The following TKFC variants were observed in gnomAD, a reference collection of about 807,000 sequenced individuals.
The protein encoded by TKFC is triokinase and FMN cyclase, also known as triokinase/FMN cyclase.
Under a neutral mutation model 61.0 loss-of-function variants are expected in TKFC, and 46 were observed. That is an observed-to-expected ratio of 0.75 (90% CI 0.60 to 0.96). The LOEUF (loss-of-function observed/expected upper bound fraction) is 0.96. Ranked by LOEUF, TKFC falls within the 50% of genes least tolerant of loss-of-function variation. TKFC has a pLI of 0.00. For missense variants in TKFC, 715 were observed against 777.5 expected (o/e 0.92, Z 0.96); for synonymous variants, 314 against 330.1 (o/e 0.95, Z 0.53).
chr11:61,346,102 G>A lies in TKFC; in HGVS notation c.1575+156G>A. 1 of 1,143,892 alleles carries A rather than the reference G, an allele frequency of 8.7e-7. No individual in the cohort carries two copies. The highest frequency in any genetic ancestry group is 1.2e-6 in the Non-Finnish European group (1 of 825,374). 70.9% of individuals were successfully genotyped at this position (1,143,892 alleles called of 1,614,324 possible). A position where few individuals can be genotyped will look rare whatever the true frequency, so the allele number is the denominator to read the frequency against. ...CACCTATCTCAGAAGGTGGTTATGTGGCTAAGGAAATATGTAGAGCCCCGC... is the reference window on the plus strand; with the variant it reads ...CACCTATCTCAGAAGGTGGTTATGTAGCTAAGGAAATATGTAGAGCCCCGC... On this transcript the variant is annotated intron_variant, in intron 17 of 17. Coordinates refer to ENST00000394900, the MANE Select transcript of TKFC (RefSeq NM_015533.4). The surrounding 1 kb of genome is among the most constrained non-coding windows in gnomAD (Gnocchi z 4.1).
At position 61,342,463 on chromosome 11, in the gene TKFC, A is replaced by T; in HGVS notation, c.658A>T (p.Ile220Phe). The part of the protein sequence containing the change: ...SADEVELGLG[I>F]HGEAGVRRIK... ...GCAGTGACCACATCTATCCGCAGGG[A>T]TCCACGGGGAAGCTGGTGTGCGCCG... is the stretch of plus-strand genomic sequence containing the variant. Residue 220 changes from isoleucine (I) to phenylalanine (F), a missense_variant and splice_region_variant, in exon 8 of 18, where the codon ATC becomes TTC. Ile to Phe is a conservative substitution (Grantham distance 21). Coordinates refer to ENST00000394900, the MANE Select transcript of TKFC (RefSeq NM_015533.4). 5.0e-6 allele frequency: 8 copies of T among 1,614,012 alleles called. No homozygotes were observed. Among genetic ancestry groups the T allele is most frequent in the Non-Finnish European group, 6.8e-6 (8 of 1,180,028 alleles).
chr11:61,333,249 A>ATGAGAGCGCACGCTTCGGG lies in TKFC; in HGVS notation c.-189_-171dup, dbSNP rs1565042188. On this transcript the variant is annotated 5_prime_UTR_variant, in exon 1 of 18. The change creates a premature stop within an existing upstream ORF in the 5' untranslated region. Coordinates refer to ENST00000394900, the MANE Select transcript of TKFC (RefSeq NM_015533.4). ...TTCCGCCAGCGCCCGCAGGACCCGG[A>ATGAGAGCGCACGCTTCGGG]TGAGAGCGCACGCTTCGGGGTCTCC... The ATGAGAGCGCACGCTTCGGG allele has an allele frequency of 1.3e-5, 4 of 316,678 alleles. No homozygotes were observed. The highest frequency in any genetic ancestry group is 8.6e-5 in the African/African-American group (4 of 46,552). 19.6% of individuals were successfully genotyped at this position (316,678 alleles called of 1,614,324 possible).
Position 61,345,263 on chromosome 11 carries a change from T to C in TKFC, c.1244T>C (p.Ile415Thr). The C allele has an allele frequency of 1.3e-6, 2 of 1,566,066 alleles. No homozygotes were observed. The highest frequency in any genetic ancestry group is 8.7e-7 in the Non-Finnish European group (1 of 1,153,330). ...GTTHSRAARA[I>T]QEWLKEGPPP... ...CCCCATCTCTCTCTGCCTGCAGCAATCCAGGAGTGGCTGAAGGAGGGCCCA... is the reference window on the plus strand; with the variant it reads ...CCCCATCTCTCTCTGCCTGCAGCAACCCAGGAGTGGCTGAAGGAGGGCCCA... Residue 415 changes from isoleucine (I) to threonine (T), a missense_variant, in exon 14 of 18, where the codon ATC becomes ACC. By Grantham distance (89) the Ile-to-Thr change is moderately conservative. Transcript: ENST00000394900.
At position 61,339,455 on chromosome 11, in the gene TKFC, G is replaced by T; in HGVS notation, c.486+20G>T. On this transcript the variant is annotated intron_variant, in intron 5 of 17. Transcript: ENST00000394900. Reference sequence around the variant, plus strand: ...CACAAGGTGGGCTTCCACCGGGGACGTGGAGACTGGCCAGCCCTTTCCAGC... The same window carrying T: ...CACAAGGTGGGCTTCCACCGGGGACTTGGAGACTGGCCAGCCCTTTCCAGC... 6 of 1,590,874 alleles carry T rather than the reference G, an allele frequency of 3.8e-6. No individual in the cohort carries two copies. Among genetic ancestry groups the T allele is most frequent in the Non-Finnish European group, 5.1e-6 (6 of 1,167,362 alleles).
intron 2 of TKFC, among the ~76,000 whole-genome samples, chr11:61,337,469 A>G (rs560037555): frequency 3.3e-5 from 5 of 152,306 alleles, no homozygotes; most frequent in Non-Finnish European, 7.4e-5. Context: ...CATAGTGTCT[A>G]GTGCTGGGCC....
intron 10 of TKFC, chr11:61,343,130 G>A: frequency 1.6e-6 from 1 of 612,836 alleles, no homozygotes; most frequent in Non-Finnish European, 2.9e-6. Context: ...CTGAGTAAAT[G>A]AGACCTGTAA....
At chr11:61,351,384 G>A, downstream of TKFC, 1 of 320,764 alleles carries the variant, frequency 3.1e-6, no homozygotes, top group Non-Finnish European at 5.6e-6. Context: ...CCGCCTCCTG[G>A]GTTCACGCCA....
At position 61,339,310 on chromosome 11, in the gene TKFC, G is replaced by A. The variant is rs1233530557; in HGVS notation, c.361G>A (p.Ala121Thr). The change falls in exon 5 of 18, where the codon GCC (alanine) becomes ACC (threonine). Residue 121 changes from alanine (A) to threonine (T), a missense_variant. By Grantham distance (58) the Ala-to-Thr change is moderately conservative. Transcript: ENST00000394900. ...TGGGGATCGGCTCAACTTCGGCCTG[G>A]CCCGGGAGCAGGCCCGGGCTGAAGG... ...YTGDRLNFGL[A>T]REQARAEGIP... The A allele has an allele frequency of 6.2e-7, 1 of 1,613,804 alleles. No individual in the cohort carries two copies. The highest frequency in any genetic ancestry group is 8.5e-7 in the Non-Finnish European group (1 of 1,180,028).
At chr11:61,352,834 G>C (rs562129021), downstream of TKFC, 1 of 1,473,124 alleles carries the variant, frequency 6.8e-7, no homozygotes, top group East Asian at 2.4e-5. Context: ...TCAACCTAAA[G>C]AAAGATCAAT....
rs1856525205 is a variant in TKFC, at chr11:61,334,615, T to C, written c.-109-5T>C. 2.9e-6 allele frequency: 4 copies of C among 1,401,824 alleles called. No homozygotes were observed. The Admixed American group carries it at 5.4e-5, about 19-fold the overall frequency. 86.8% of individuals were successfully genotyped at this position (1,401,824 alleles called of 1,614,324 possible). On this transcript the variant is annotated splice_polypyrimidine_tract_variant and splice_region_variant and intron_variant, in intron 1 of 17. Transcript: ENST00000394900. ...CGCAGCTTGTATCGTTACCCACTCC[T>C]GCAGGTGCTGCTGCTGCCTCCACTG...
At position 61,348,281 on chromosome 11, in the gene TKFC, C is replaced by A; in HGVS notation, c.*1778C>A. ...TCCTTCCTCGTGAGATAAGCACGTG[C>A]CATTAGCTATTAAGGACACGCACAT... On this transcript the variant is annotated 3_prime_UTR_variant, in exon 18 of 18. Coordinates refer to ENST00000394900, the MANE Select transcript of TKFC (RefSeq NM_015533.4). 1.0e-6 allele frequency: 1 copy of A among 985,328 alleles called. No individual in the cohort carries two copies. The highest frequency in any genetic ancestry group is 1.2e-6 in the Non-Finnish European group (1 of 829,922). The allele number at this position is 985,328 out of a possible 1,614,324, so 61.0% of individuals were successfully genotyped here.
chr11:61,346,048 A>G lies in TKFC; in HGVS notation c.1575+102A>G. On this transcript the variant is annotated intron_variant, in intron 17 of 17. Coordinates refer to ENST00000394900, the MANE Select transcript of TKFC (RefSeq NM_015533.4). This position sits in a 1 kb window ranked among gnomAD's most constrained non-coding sequence, Gnocchi z 4.1. ...CAAGTTAATAACCTTCCTGGACCGC[A>G]GTTTCCTTCTCTGTACAATGGAGAT... is the stretch of plus-strand genomic sequence containing the variant. 7.7e-7 allele frequency: 1 copy of G among 1,299,512 alleles called. No individual in the cohort carries two copies. Among genetic ancestry groups the G allele is most frequent in the South Asian group, 1.3e-5 (1 of 75,992 alleles). 80.5% of individuals were successfully genotyped at this position (1,299,512 alleles called of 1,614,324 possible). A position where few individuals can be genotyped will look rare whatever the true frequency, so the allele number is the denominator to read the frequency against.
intron 2 of TKFC, among the ~76,000 whole-genome samples, chr11:61,337,012 C>T (rs922181953): frequency 2.0e-5 from 3 of 152,214 alleles, no homozygotes; most frequent in Admixed American, 6.5e-5. Context: ...TCCCAGAGAC[C>T]TCCAGGCCCC....
At chr11:61,338,232 A>C in intron 3 of TKFC, 102 bp downstream of exon 3, 1 of 1,174,036 alleles carries the variant, frequency 8.5e-7, no homozygotes, top group Non-Finnish European at 1.1e-6. Context: ...CTCAGCCCAG[A>C]ATCAGGAACT....
Position 61,346,011 on chromosome 11 carries a change from T to C in TKFC, c.1575+65T>C, listed in dbSNP as rs570097048. On this transcript the variant is annotated intron_variant, in intron 17 of 17. Coordinates refer to ENST00000394900, the MANE Select transcript of TKFC (RefSeq NM_015533.4). The surrounding 1 kb of genome is among the most constrained non-coding windows in gnomAD (Gnocchi z 4.1). Reference sequence around the variant, plus strand: ...TCTAGCCAGCAGACTCCTGTCTCCATGTGACCCTGAGCAAGTTAATAACCT... The same window carrying C: ...TCTAGCCAGCAGACTCCTGTCTCCACGTGACCCTGAGCAAGTTAATAACCT... 31 of 1,532,052 alleles carry C rather than the reference T, an allele frequency of 2.0e-5. No homozygotes were observed. Among genetic ancestry groups the C allele is most frequent in the Non-Finnish European group, 2.5e-5 (28 of 1,116,818 alleles). 94.9% of individuals were successfully genotyped at this position (1,532,052 alleles called of 1,614,324 possible).
chr11:61,338,396 C>G (rs969186258), intron 3 of TKFC, among the ~76,000 whole-genome samples: 3 of 152,204 alleles, frequency 2.0e-5, no homozygotes, highest in Admixed American at 6.5e-5. Flanking sequence ...CATGAATCTT[C>G]TGGACCCTCC....
In TKFC at chr11:61,343,941, G is replaced by A. The variant is rs554152765; in HGVS notation, c.1068G>A (p.Glu356=). ...AGCGGAGCCGGGTAGCCCCTGCCGA[G>A]CCCCAGGAGGCCCCTGATTCCACTG... The part of the protein sequence containing the change: ...GRKRSRVAPA[E]PQEAPDSTAA... The change falls in exon 12 of 18, where the codon GAG becomes GAA. Residue 356 remains glutamate (E), a synonymous_variant. Coordinates refer to ENST00000394900, the MANE Select transcript of TKFC (RefSeq NM_015533.4). 6.2e-7 allele frequency: 1 copy of A among 1,611,480 alleles called. No homozygotes were observed. Among genetic ancestry groups the A allele is most frequent in the Admixed American group, 1.7e-5 (1 of 60,020 alleles).
At chr11:61,352,961 A>C (rs758482216), downstream of TKFC, 1 of 1,614,060 alleles carries the variant, frequency 6.2e-7, no homozygotes, top group South Asian at 1.1e-5. Context: ...TTCACCTTAG[A>C]GTTGGGGACC....
At chr11:61,345,157 C>A in intron 13 of TKFC, 103 bp from the exon 14 acceptor site, 1 of 965,834 alleles carries the variant, frequency 1.0e-6, no homozygotes, top group Non-Finnish European at 1.5e-6. Context: ...AGCCTTCATT[C>A]CACTTCCCTG....
Sources: allele counts gnomAD v4.1 joint callset (sites outside exome capture counted in the v4.1 genomes callset), GRCh38; gene constraint gnomAD v4.1.1; non-coding constraint Gnocchi (gnomAD v3.1); transcripts MANE v1.5; gene names NCBI Gene and HGNC (gene_info 2026-07-23, HGNC 2026-07-21).